Variants in IL1RAPL1 observed in about 807,000 individuals in gnomAD.
IL1RAPL1 encodes interleukin-1 receptor accessory protein-like 1.
A neutral mutation model predicts 48.4 loss-of-function variants in IL1RAPL1; 3 were observed. The ratio of observed to expected loss-of-function variants is 0.06; its 90% CI spans 0.03 to 0.16. The LOEUF is 0.16. Ranked by LOEUF, IL1RAPL1 falls within the 10% of genes least tolerant of loss-of-function variation. The probability of loss-of-function intolerance (pLI) is 1.00; values close to 1 mark genes in which losing one functional copy is unlikely to be tolerated. For missense variants in IL1RAPL1, 349 were observed against 530.6 expected (o/e 0.66, Z 3.36); for synonymous variants, 185 against 187.7 (o/e 0.99, Z 0.12).
intron 2 of IL1RAPL1, among the ~76,000 whole-genome samples, chrX:28,954,523 C>T (rs181993794): frequency 9.1e-6 from 1 of 110,247 alleles, no homozygotes; most frequent in East Asian, 2.8e-4. Flanking sequence ...GTCACTTCCC[C>T]ACAAAATTAA....
At chrX:29,350,731 G>A (rs1435581455) in intron 3 of IL1RAPL1, among the ~76,000 whole-genome samples, 3 of 110,644 alleles carry the variant, frequency 2.7e-5, no homozygotes, top group Non-Finnish European at 5.7e-5. Flanking sequence ...ACTGGAATAA[G>A]CAGGTAAATC....
At chrX:28,921,595 G>A (rs993333059) in intron 2 of IL1RAPL1, among the ~76,000 whole-genome samples, 4 of 111,351 alleles carry the variant, frequency 3.6e-5, no homozygotes, top group African/African-American at 1.3e-4. Flanking sequence ...ATCTGCCTTA[G>A]GAATAGCCTA....
intron 2 of IL1RAPL1, among the ~76,000 whole-genome samples, chrX:29,269,352 T>C (rs1932004328): frequency 9.0e-6 from 1 of 111,321 alleles, no homozygotes; most frequent in Admixed American, 9.6e-5. Flanking sequence ...TTAGTAGATA[T>C]TTATATTAAC....
intron 2 of IL1RAPL1, among the ~76,000 whole-genome samples, chrX:29,074,687 A>G (rs1008984771): frequency 2.7e-5 from 3 of 112,040 alleles, no homozygotes; most frequent in Non-Finnish European, 3.8e-5. Flanking sequence ...TGTGATCCAA[A>G]CAATTAGACT....
At chrX:28,829,848 G>A (rs751695329) in intron 2 of IL1RAPL1, among the ~76,000 whole-genome samples, 2 of 110,542 alleles carry the variant, frequency 1.8e-5, no homozygotes, top group African/African-American at 3.3e-5. Flanking sequence ...GTGAGCCACC[G>A]TGCCCGGCCT....
intron 5 of IL1RAPL1, among the ~76,000 whole-genome samples, chrX:29,615,856 G>T (rs192490699): frequency 8.9e-6 from 1 of 111,815 alleles, no homozygotes; most frequent in East Asian, 2.8e-4. Context: ...AGAAAGGATT[G>T]TTCTGAGAGA....
intron 9 of IL1RAPL1, among the ~76,000 whole-genome samples, chrX:29,942,527 A>C (rs1278935248): frequency 0.016 from 1,748 of 111,905 alleles, 38 homozygotes; most frequent in African/African-American, 0.054. Context: ...TTAAAAAATA[A>C]CAAAAAGGAA....
At chrX:28,858,466 A>G (rs773906804) in intron 2 of IL1RAPL1, among the ~76,000 whole-genome samples, 27 of 112,120 alleles carry the variant, frequency 2.4e-4, no homozygotes, top group Non-Finnish European at 4.7e-4. Flanking sequence ...AGTCACCTCA[A>G]CCTTCAGTAA....
Position 28,985,723 on chromosome X carries a change from G to C in IL1RAPL1, c.82+196298G>C, listed in dbSNP as rs776272656. Among the ~76,000 whole-genome samples, 97 of 101,484 alleles carry C rather than the reference G, an allele frequency of 9.6e-4. 1 individual carries two copies. The highest frequency in any genetic ancestry group is 1.7e-3 in the Non-Finnish European group (84 of 50,828). 88.1% of individuals were successfully genotyped at this position (101,484 alleles called of 115,157 possible). On this transcript the variant is annotated intron_variant, in intron 2 of 10. Transcript: ENST00000378993. ...CGCCCAGGCTGGAGTGCATTGGCGC[G>C]ATCTCGGCTCACTACAAGCTCCGCC...
chrX:29,628,017 A>C (rs1370042803), intron 5 of IL1RAPL1, among the ~76,000 whole-genome samples: 3 of 112,375 alleles, frequency 2.7e-5, no homozygotes, highest in African/African-American at 9.7e-5. Context: ...TTTAGTTGCC[A>C]TGGCAATGCT....
Position 29,764,050 on chromosome X carries a change from T to C in IL1RAPL1, c.778+95546T>C, listed in dbSNP as rs1928817951. ...ATCATCAAATGATGTAAATTACAGT[T>C]TTAAAACAAAAAAGCCCTTAAAGCG... is the stretch of plus-strand genomic sequence containing the variant. On this transcript the variant is annotated intron_variant, in intron 6 of 10. Transcript: ENST00000378993. Among the ~76,000 whole-genome samples, 3 of 111,751 alleles carry C rather than the reference T, an allele frequency of 2.7e-5. No homozygotes were observed. The East Asian group carries it at 8.3e-4, about 31-fold the overall frequency.
At chrX:29,895,338 G>A (rs1417501884) in intron 6 of IL1RAPL1, among the ~76,000 whole-genome samples, 3 of 109,996 alleles carry the variant, frequency 2.7e-5, no homozygotes, top group Non-Finnish European at 5.7e-5. Flanking sequence ...ATCACTTTAG[G>A]TCAGGAGTTC....
intron 2 of IL1RAPL1, among the ~76,000 whole-genome samples, chrX:29,050,961 G>C (rs1927079922): frequency 8.9e-6 from 1 of 112,216 alleles, no homozygotes; most frequent in South Asian, 3.7e-4. Flanking sequence ...AGAATTCTAG[G>C]AATAGATCAG....
rs201771398 is a variant in IL1RAPL1, at chrX:29,427,000, A to T, written c.703+27692A>T. Among the ~76,000 whole-genome samples the T allele has an allele frequency of 1.8e-4, 4 of 22,823 alleles. No homozygotes were observed. The African/African-American group carries it at 2.9e-3, about 16-fold the overall frequency. 19.8% of individuals were successfully genotyped at this position (22,823 alleles called of 115,157 possible). On this transcript the variant is annotated intron_variant, in intron 5 of 10. Transcript: ENST00000378993. ...TAATTGGATTTTAAAAACCTTTTTA[A>T]AAAAAAAAAAAAAAGATTTGCATAT...
intron 6 of IL1RAPL1, among the ~76,000 whole-genome samples, chrX:29,863,427 A>G (rs1410069399): frequency 9.0e-6 from 1 of 111,460 alleles, no homozygotes; most frequent in Admixed American, 9.6e-5. Context: ...ACAGGCCAGG[A>G]GTAAATTGCA....
chrX:28,607,923 G>A (rs138631244), intron 1 of IL1RAPL1, among the ~76,000 whole-genome samples: 1 of 111,108 alleles, frequency 9.0e-6, no homozygotes, highest in East Asian at 2.8e-4. Context: ...AGAATTCCAC[G>A]GGAGTTTTGG....
rs552728743 is a variant in IL1RAPL1, at chrX:29,590,088, A to G, written c.704-78342A>G. ...AGCAAGGAGCAAGAGCAGGAACGAGAGAGAGAGAGGGAGGTGCTACCTGCC... is the reference window on the plus strand; with the variant it reads ...AGCAAGGAGCAAGAGCAGGAACGAGGGAGAGAGAGGGAGGTGCTACCTGCC... On this transcript the variant is annotated intron_variant, in intron 5 of 10. Coordinates refer to ENST00000378993, the MANE Select transcript of IL1RAPL1 (RefSeq NM_014271.4). 3.6e-5 allele frequency among the ~76,000 whole-genome samples: 4 copies of G among 111,348 alleles called. No individual in the cohort carries two copies. In the Admixed American group the frequency reaches 3.8e-4, roughly 11 times the overall value.
At chrX:29,769,721 A>T (rs762111846) in intron 6 of IL1RAPL1, among the ~76,000 whole-genome samples, 1 of 103,174 alleles carries the variant, frequency 9.7e-6, no homozygotes, top group Non-Finnish European at 2.0e-5. Flanking sequence ...GGTTCAACCA[A>T]TTCTCCTTCC....
chrX:29,764,689 G>C (rs142771836), intron 6 of IL1RAPL1, among the ~76,000 whole-genome samples: 2 of 112,193 alleles, frequency 1.8e-5, no homozygotes, highest in African/African-American at 6.5e-5. Context: ...TAAGTCACAT[G>C]TTGTATTCCA....
Sources: allele counts gnomAD v4.1 joint callset (sites outside exome capture counted in the v4.1 genomes callset), GRCh38; gene constraint gnomAD v4.1.1; transcripts MANE v1.5; gene names NCBI Gene and HGNC (gene_info 2026-07-23, HGNC 2026-07-21).